CASZ1: variants seen among roughly 807,000 people sequenced by gnomAD.
The protein encoded by CASZ1 is castor zinc finger 1.
CASZ1 carries 28 observed loss-of-function variants against 135.2 expected under a neutral mutation model. That is an observed-to-expected ratio of 0.21 (90% CI 0.15 to 0.28). The LOEUF (loss-of-function observed/expected upper bound fraction) is 0.28. CASZ1 is among the 10% of genes least tolerant of loss of function. The pLI, the probability that CASZ1 is intolerant of heterozygous loss-of-function variation, is 1.00. For synonymous variants in CASZ1, 1,068 were observed against 1,073.4 expected (o/e 0.99, Z 0.10); for missense variants, 2,161 against 2,453.3 (o/e 0.88, Z 2.52).
In CASZ1 at chr1:10,756,429, G is replaced by C. The variant is rs1640258101; in HGVS notation, c.-77+4272C>G. Among the ~76,000 whole-genome samples the C allele has an allele frequency of 2.0e-5, 3 of 152,258 alleles. No individual in the cohort carries two copies. The highest frequency in any genetic ancestry group is 4.1e-4 in the South Asian group (2 of 4,832). On this transcript the variant is annotated intron_variant, in intron 2 of 20. Coordinates refer to ENST00000377022, the MANE Select transcript of CASZ1 (RefSeq NM_001079843.3). This position sits in a 1 kb window ranked among gnomAD's most constrained non-coding sequence, Gnocchi z 5.9. ...ATGGCTGGGAATACGTTGCCAGCAA[G>C]GGCAAGTGCTCACGCGAGCCCGGCA...
At chr1:10,754,084 A>G (rs138683577) in intron 2 of CASZ1, among the ~76,000 whole-genome samples, 3 of 152,132 alleles carry the variant, frequency 2.0e-5, no homozygotes, top group Admixed American at 6.5e-5. Context: ...CTTCCTACAG[A>G]TATCGATTAG....
rs888333696 is a variant in CASZ1 at position 10,759,537 on chromosome 1, C to A, written c.-77+1164G>T. Among the ~76,000 whole-genome samples, 24 of 152,316 alleles carry A rather than the reference C, an allele frequency of 1.6e-4. No homozygotes were observed. Among genetic ancestry groups the A allele is most frequent in the Admixed American group, 1.4e-3 (22 of 15,312 alleles). On this transcript the variant is annotated intron_variant, in intron 2 of 20. Transcript: ENST00000377022. This position sits in a 1 kb window ranked among gnomAD's most constrained non-coding sequence, Gnocchi z 4.2. ...AAAGGCCACATTTGCATCTGATTTG[C>A]AAATCTCTGGGCTGTATCCAGAGCT...
chr1:10,658,421 C>T, intron 7 of CASZ1, 87 bp downstream of exon 7: 2 of 1,100,640 alleles, frequency 1.8e-6, no homozygotes, highest in Non-Finnish European at 2.7e-6. Flanking sequence ...CCCTAGAGGT[C>T]AGATATCAAA....
chr1:10,774,287 C>T lies in CASZ1; in HGVS notation c.-233-13430G>A, dbSNP rs1640624405. 1.3e-5 allele frequency among the ~76,000 whole-genome samples: 2 copies of T among 152,146 alleles called. No individual in the cohort carries two copies. The highest frequency in any genetic ancestry group is 2.4e-5 in the African/African-American group (1 of 41,440). ...GGAGAATCGGGAACCATTTCAAAAG[C>T]TAAACAATCTACCCCTTTTAAATGT... On this transcript the variant is annotated intron_variant, in intron 1 of 20. Transcript: ENST00000377022. The surrounding 1 kb of genome is among the most constrained non-coding windows in gnomAD (Gnocchi z 4.4).
rs200633393 is a variant in CASZ1, at chr1:10,654,588, C to A, written c.1669G>T (p.Gly557Cys). ...GTGCTCGTGTACACCTTGTTACAGC[C>A]CACCTGCACAGGACGGGATGGTGGT... is the stretch of plus-strand genomic sequence containing the variant. ...KSTHYHCMQV[G>C]CNKVYTSTSD... The change falls in exon 10 of 21, where the codon GGC becomes TGC. Residue 557 changes from glycine to cysteine, a missense_variant. Gly to Cys is a radical substitution (Grantham distance 159). Around this residue, in one of 7 missense-constraint regions of CASZ1, gnomAD observed 248 missense variants for 410.8 expected, o/e 0.60. Coordinates refer to ENST00000377022, the MANE Select transcript of CASZ1 (RefSeq NM_001079843.3). 6.2e-7 allele frequency: 1 copy of A among 1,614,048 alleles called. No homozygotes were observed. The highest frequency in any genetic ancestry group is 8.5e-7 in the Non-Finnish European group (1 of 1,179,910).
intron 9 of CASZ1, among the ~76,000 whole-genome samples, chr1:10,655,091 C>G (rs1323412370): frequency 6.6e-6 from 1 of 152,206 alleles, no homozygotes; most frequent in African/African-American, 2.4e-5. Flanking sequence ...CCGTGGAATC[C>G]GAACACTCTC....
intron 2 of CASZ1, among the ~76,000 whole-genome samples, chr1:10,742,712 G>T (rs934051596): frequency 6.6e-6 from 1 of 152,160 alleles, no homozygotes; most frequent in African/African-American, 2.4e-5. Context: ...GGCCGGGTGT[G>T]GTGGCTCATG....
At chr1:10,749,287 G>T (rs369765297) in intron 2 of CASZ1, among the ~76,000 whole-genome samples, 2 of 149,826 alleles carry the variant, frequency 1.3e-5, no homozygotes, top group Admixed American at 1.3e-4. Flanking sequence ...TCACTCTGTC[G>T]CCCAGGCTGG....
intron 4 of CASZ1, among the ~76,000 whole-genome samples, chr1:10,680,285 T>TGC (rs1638371316): frequency 1.1e-5 from 1 of 92,674 alleles, no homozygotes; most frequent in African/African-American, 4.4e-5. Context: ...CGGCGGGGGA[T>TGC]GGTGGAGGGG....
At chr1:10,708,971 A>G (rs61701863) in intron 2 of CASZ1, among the ~76,000 whole-genome samples, 416 of 24,188 alleles carry the variant, frequency 0.017, no homozygotes, top group African/African-American at 0.03. Context: ...GAGGACGGGG[A>G]GGGGGGGGGC....
Position 10,650,736 on chromosome 1 carries a change from C to T in CASZ1, c.2836G>A (p.Ala946Thr), listed in dbSNP as rs756491128. Residue 946 changes from alanine to threonine, a missense_variant, in exon 13 of 21, where the codon GCA becomes ACA. Transcript: ENST00000377022. ...AAAAGAGATGAATTTGCCGGGACTGCGTGGCCATTTGATTCGTTGCTAGAA... is the reference window on the plus strand; with the variant it reads ...AAAAGAGATGAATTTGCCGGGACTGTGTGGCCATTTGATTCGTTGCTAGAA... ...KEPSNESNGH[A>T]VPANSSLLSS... 9.9e-6 allele frequency: 16 copies of T among 1,613,998 alleles called. No homozygotes were observed. Among genetic ancestry groups the T allele is most frequent in the African/African-American group, 5.3e-5 (4 of 74,942 alleles).
chr1:10,649,682 C>G (rs1333681930), intron 13 of CASZ1: 1 of 481,870 alleles, frequency 2.1e-6, no homozygotes, highest in Non-Finnish European at 3.7e-6. Flanking sequence ...GAGCCCGTGC[C>G]GCGGGATCCA....
chr1:10,639,824 G>A lies in CASZ1; in HGVS notation c.4398C>T (p.Tyr1466=). 6.2e-7 allele frequency: 1 copy of A among 1,610,626 alleles called. No homozygotes were observed. Among genetic ancestry groups the A allele is most frequent in the East Asian group, 2.2e-5 (1 of 44,786 alleles). Residue 1466 remains tyrosine (Y), a synonymous_variant, in exon 21 of 21, where the codon TAC becomes TAT. Coordinates refer to ENST00000377022, the MANE Select transcript of CASZ1 (RefSeq NM_001079843.3). This position sits in a 1 kb window ranked among gnomAD's most constrained non-coding sequence, Gnocchi z 4.0. The part of the protein sequence containing the change: ...HYHCTRENCG[Y]KFCGRTHMYK... ...ACATGTGCGTGCGCCCGCAGAACTT[G>A]TAGCCGCAGTTCTCGCGCGTGCAGT...
At chr1:10,708,380 C>A (rs137991550) in intron 2 of CASZ1, among the ~76,000 whole-genome samples, 4 of 152,202 alleles carry the variant, frequency 2.6e-5, no homozygotes, top group African/African-American at 7.2e-5. Flanking sequence ...CCCTACCCAC[C>A]TTTTACCCAC....
intron 2 of CASZ1, among the ~76,000 whole-genome samples, chr1:10,752,667 C>T (rs1420517552): frequency 6.6e-6 from 1 of 152,180 alleles, no homozygotes; most frequent in Non-Finnish European, 1.5e-5. Flanking sequence ...AGGGAGCCCC[C>T]CTAGTTGCCA....
intron 1 of CASZ1, among the ~76,000 whole-genome samples, chr1:10,768,713 C>T (rs866230664): frequency 1.3e-5 from 2 of 152,180 alleles, no homozygotes; most frequent in East Asian, 1.9e-4. Flanking sequence ...GCCAATCAGC[C>T]GGCCGGGCTT....
At chr1:10,686,112 C>A (rs1051969674) in intron 4 of CASZ1, among the ~76,000 whole-genome samples, 1 of 152,072 alleles carries the variant, frequency 6.6e-6, no homozygotes, top group African/African-American at 2.4e-5. Flanking sequence ...CCAGGAAGGG[C>A]CCCCCACCCA....
intron 11 of CASZ1, chr1:10,651,419 G>T (rs1043323562): frequency 1.0e-5 from 2 of 192,414 alleles, no homozygotes; most frequent in Admixed American, 6.1e-5. Context: ...TTTTATTAAA[G>T]ACTCTGTTAA....
chr1:10,766,198 G>T (rs1640475720), intron 1 of CASZ1, among the ~76,000 whole-genome samples: 1 of 150,716 alleles, frequency 6.6e-6, no homozygotes, highest in African/African-American at 2.5e-5. Flanking sequence ...CACACGTTCA[G>T]CACGTGCACA....
Sources: allele counts gnomAD v4.1 joint callset (sites outside exome capture counted in the v4.1 genomes callset), GRCh38; gene constraint gnomAD v4.1.1; regional missense constraint gnomAD v4.1.1; non-coding constraint Gnocchi (gnomAD v3.1); transcripts MANE v1.5; gene names NCBI Gene and HGNC (gene_info 2026-07-23, HGNC 2026-07-21).